Variants in PREPL observed in about 807,000 individuals in gnomAD.
PREPL encodes prolyl endopeptidase-like.
In PREPL, 77 loss-of-function variants were observed where a neutral mutation model predicts 70.6. That is an observed-to-expected ratio of 1.09 (90% CI 0.91 to 1.32). PREPL has a LOEUF of 1.32. Among genes scored for constraint, PREPL ranks in the 40% most tolerant of loss-of-function variants. PREPL has a pLI of 0.00. For synonymous variants in PREPL, 315 were observed against 264.8 expected (o/e 1.19, Z -1.84); for missense variants, 1,002 against 778.2 (o/e 1.29, Z -3.42).
intron 1 of PREPL, chr2:44,360,166 G>A (rs1263979103): frequency 1.3e-5 from 2 of 152,828 alleles, no homozygotes; most frequent in South Asian, 2.0e-4. Flanking sequence ...AATTATGAAC[G>A]TATCTTTGGT....
In PREPL at chr2:44,343,725, T is replaced by A; in HGVS notation, c.349+20A>T. Reference sequence around the variant, plus strand: ...ACCGTTGCCTTTCAACACAGAGGACTATTTTGGTTGGTGGCTTACCAAAAC... The same window carrying A: ...ACCGTTGCCTTTCAACACAGAGGACAATTTTGGTTGGTGGCTTACCAAAAC... On this transcript the variant is annotated intron_variant, in intron 4 of 13. Transcript: ENST00000409411. 6.3e-7 allele frequency: 1 copy of A among 1,594,440 alleles called. No homozygotes were observed. Among genetic ancestry groups the A allele is most frequent in the East Asian group, 2.2e-5 (1 of 44,754 alleles).
intron 1 of PREPL, among the ~76,000 whole-genome samples, chr2:44,355,524 G>A (rs10179722): frequency 0.038 from 5,840 of 152,186 alleles, 373 homozygotes; most frequent in African/African-American, 0.13. Flanking sequence ...ACTACAGACT[G>A]GGTGACAGAG....
In PREPL at chr2:44,344,437, T is replaced by C; in HGVS notation, c.142+83A>G. On this transcript the variant is annotated intron_variant, in intron 3 of 13. Coordinates refer to ENST00000409411, the MANE Select transcript of PREPL (RefSeq NM_001171613.2). ...ATAATCTTTAAAAAAATCTTTTCTC[T>C]ATCTTTGAGAAATTAATAAATTTCC... 11 of 1,039,306 alleles carry C rather than the reference T, an allele frequency of 1.1e-5. No homozygotes were observed. The South Asian group carries it at 1.5e-4, about 14-fold the overall frequency. 64.4% of individuals were successfully genotyped at this position (1,039,306 alleles called of 1,614,324 possible).
intron 9 of PREPL, among the ~76,000 whole-genome samples, chr2:44,327,155 A>G (rs192709318): frequency 6.6e-6 from 1 of 152,130 alleles, no homozygotes; most frequent in Admixed American, 6.5e-5. Flanking sequence ...AGGTTTGCCA[A>G]CTCCTGATAT....
chr2:44,341,934 T>C (rs1215082639), intron 5 of PREPL, among the ~76,000 whole-genome samples: 1 of 152,112 alleles, frequency 6.6e-6, no homozygotes, highest in Non-Finnish European at 1.5e-5. Flanking sequence ...TTCTATATAT[T>C]ACTAAGAATT....
intron 4 of PREPL, 89 bp from the exon 5 acceptor site, chr2:44,342,641 C>T (rs1675357687): frequency 3.9e-6 from 4 of 1,036,150 alleles, no homozygotes; most frequent in South Asian, 3.2e-5. Context: ...ATTTTGAATG[C>T]CAGTGAGAAC....
intron 1 of PREPL, among the ~76,000 whole-genome samples, chr2:44,351,928 A>G (rs748925630): frequency 2.6e-5 from 4 of 152,224 alleles, no homozygotes; most frequent in African/African-American, 4.8e-5. Flanking sequence ...AATGGTCTAC[A>G]AAGTCCTAAA....
chr2:44,317,835 CAAT>C lies in PREPL; in HGVS notation c.*3518_*3520del, dbSNP rs879386404. On this transcript the variant is annotated 3_prime_UTR_variant, in exon 14 of 14. Transcript: ENST00000409411. Reference sequence around the variant, plus strand: ...GCTTCCGAATTATGTCTAAATAATACAATAATTACAAATATGAATGGGTTAAAT... The same window carrying C: ...GCTTCCGAATTATGTCTAAATAATACAATTACAAATATGAATGGGTTAAAT... The C allele has an allele frequency of 8.3e-5, 14 of 169,344 alleles. No homozygotes were observed. The South Asian group carries it at 1.0e-3, about 13-fold the overall frequency. 10.5% of individuals were successfully genotyped at this position (169,344 alleles called of 1,614,324 possible). A position where few individuals can be genotyped will look rare whatever the true frequency, so the allele number is the denominator to read the frequency against.
chr2:44,319,322 C>G lies in PREPL; in HGVS notation c.*2034G>C, dbSNP rs895066564. 6.6e-6 allele frequency: 1 copy of G among 152,586 alleles called. No homozygotes were observed. Among genetic ancestry groups the G allele is most frequent in the African/African-American group, 2.4e-5 (1 of 41,436 alleles). 9.5% of individuals were successfully genotyped at this position (152,586 alleles called of 1,614,324 possible). On this transcript the variant is annotated 3_prime_UTR_variant, in exon 14 of 14. Coordinates refer to ENST00000409411, the MANE Select transcript of PREPL (RefSeq NM_001171613.2). ...TGAAGAATAATTTGGCATTATGTAT[C>G]AAGTGCCCATACTCTTTGACAAAGT...
At chr2:44,330,688 G>C (rs1453164115) in intron 8 of PREPL, among the ~76,000 whole-genome samples, 1 of 152,150 alleles carries the variant, frequency 6.6e-6, no homozygotes, top group Non-Finnish European at 1.5e-5. Context: ...TAAAAGGCTT[G>C]TGTTGTAATT....
chr2:44,338,570 A>C (rs989940942), intron 6 of PREPL, 34 bp from the exon 7 acceptor site: 1 of 1,528,952 alleles, frequency 6.5e-7, no homozygotes, highest in Non-Finnish European at 8.9e-7. Context: ...CATATAGGTA[A>C]GAAAACACGA....
At chr2:44,325,369 C>T (rs999162726) in intron 10 of PREPL, among the ~76,000 whole-genome samples, 1 of 152,208 alleles carries the variant, frequency 6.6e-6, no homozygotes, top group East Asian at 1.9e-4. Context: ...TTGGCAGTGG[C>T]GGCAGTAATA....
intron 7 of PREPL, among the ~76,000 whole-genome samples, chr2:44,338,085 A>C (rs1674820024): frequency 6.6e-6 from 1 of 152,190 alleles, no homozygotes; most frequent in Non-Finnish European, 1.5e-5. Flanking sequence ...AGATATACAG[A>C]AAGAGAAATA....
intron 9 of PREPL, 95 bp downstream of exon 9, chr2:44,328,842 A>G: frequency 7.9e-7 from 1 of 1,268,724 alleles, no homozygotes. Flanking sequence ...TAAGAATGAA[A>G]AAAATAAGCT....
At chr2:44,359,462 T>A (rs1677421001) in intron 1 of PREPL, 1 of 1,406,494 alleles carries the variant, frequency 7.1e-7, no homozygotes, top group African/African-American at 1.4e-5. Context: ...TTAATCTTAA[T>A]GACCTACAAA....
intron 2 of PREPL, 36 bp from the exon 3 acceptor site, chr2:44,344,622 T>C (rs1404983934): frequency 6.1e-6 from 9 of 1,469,778 alleles, no homozygotes; most frequent in Non-Finnish European, 7.5e-6. Context: ...TTAATAATAA[T>C]TTAATTAACC....
At chr2:44,356,810 A>ATTT (rs60067050) in intron 1 of PREPL, among the ~76,000 whole-genome samples, 1 of 148,158 alleles carries the variant, frequency 6.7e-6, no homozygotes, top group Non-Finnish European at 1.5e-5. Context: ...GAAACTCCCT[A>ATTT]TTTTTTTTTT....
chr2:44,337,269 C>G (rs1176259731), intron 7 of PREPL, among the ~76,000 whole-genome samples: 1 of 152,194 alleles, frequency 6.6e-6, no homozygotes, highest in Non-Finnish European at 1.5e-5. Context: ...ATTTCACATT[C>G]AACCAACTTT....
rs1674849155 is a variant in PREPL at position 44,338,313 on chromosome 2, T to A, written c.888+38A>T. The A allele has an allele frequency of 2.6e-6, 4 of 1,544,240 alleles. No homozygotes were observed. The South Asian group carries it at 4.7e-5, about 18-fold the overall frequency. On this transcript the variant is annotated intron_variant, in intron 7 of 13. Coordinates refer to ENST00000409411, the MANE Select transcript of PREPL (RefSeq NM_001171613.2). ...CTGTTAAGCTAAACTGCATAAATAT[T>A]TTGATTAACAGTATTAACTTCTGAA...
Sources: allele counts gnomAD v4.1 joint callset (sites outside exome capture counted in the v4.1 genomes callset), GRCh38; gene constraint gnomAD v4.1.1; transcripts MANE v1.5; gene names NCBI Gene and HGNC (gene_info 2026-07-23, HGNC 2026-07-21).